The following CIB4 variants were observed in gnomAD, a reference collection of about 807,000 sequenced individuals.
CIB4 encodes calcium and integrin binding family member 4, also known as calcium and integrin-binding family member 4.
In CIB4, 25 loss-of-function variants were observed where a neutral mutation model predicts 25.8. The observed-to-expected ratio is 0.97, with a 90% CI of 0.71 to 1.35. The LOEUF is 1.35. Among genes scored for constraint, CIB4 ranks in the 40% most tolerant of loss-of-function variants. The pLI, the probability that CIB4 is intolerant of heterozygous loss-of-function variation, is 0.00. For missense variants in CIB4, 235 were observed against 228.2 expected (o/e 1.03, Z -0.19); for synonymous variants, 75 against 81.4 (o/e 0.92, Z 0.42).
At chr2:26,635,729 C>T (rs1370762654) in intron 2 of CIB4, among the ~76,000 whole-genome samples, 2 of 152,152 alleles carry the variant, frequency 1.3e-5, no homozygotes, top group East Asian at 3.9e-4. Context: ...CCAACCCTAA[C>T]ATATTCCACT....
chr2:26,583,701 G>T (rs770687488), intron 5 of CIB4, 88 bp downstream of exon 5: 1 of 847,644 alleles, frequency 1.2e-6, no homozygotes, highest in Non-Finnish European at 2.0e-6. Flanking sequence ...CTCCTCCCAA[G>T]AGGGTGGCCT....
intron 5 of CIB4, 63 bp from the exon 6 acceptor site, chr2:26,582,976 A>C: frequency 8.8e-7 from 1 of 1,132,120 alleles, no homozygotes; most frequent in Non-Finnish European, 1.3e-6. Context: ...GGTGGGGCAC[A>C]GGGTGGAGGG....
At chr2:26,599,620 A>T (rs1460671213) in intron 3 of CIB4, among the ~76,000 whole-genome samples, 2 of 152,160 alleles carry the variant, frequency 1.3e-5, no homozygotes, top group Non-Finnish European at 2.9e-5. Context: ...AGAGCTCATT[A>T]AAAAAATCAA....
At position 26,613,835 on chromosome 2, in the gene CIB4, C is replaced by T. The variant is rs191727167; in HGVS notation, c.186+15575G>A. ...TGTCCTCAACAGGTCTCTCTGTAGT[C>T]GGGCCTGTGCGGGGCCTGTCCTGCC... is the stretch of plus-strand genomic sequence containing the variant. On this transcript the variant is annotated intron_variant, in intron 3 of 6. Transcript: ENST00000288861. 7.2e-5 allele frequency among the ~76,000 whole-genome samples: 11 copies of T among 152,334 alleles called. No homozygotes were observed. In the East Asian group the frequency reaches 1.2e-3, roughly 16 times the overall value.
chr2:26,632,279 G>A (rs998917496), intron 2 of CIB4, among the ~76,000 whole-genome samples: 4 of 152,216 alleles, frequency 2.6e-5, no homozygotes, highest in Admixed American at 6.5e-5. Flanking sequence ...CCTTGGCCAC[G>A]GAAGGGGCCT....
chr2:26,609,309 A>G lies in CIB4; in HGVS notation c.187-13992T>C, dbSNP rs1425353682. On this transcript the variant is annotated intron_variant, in intron 3 of 6. Coordinates refer to ENST00000288861, the MANE Select transcript of CIB4 (RefSeq NM_001029881.3). ...ATAGAGGCTGAGGAGGGCAGGGGGA[A>G]GAGGAAGGGGAGAGGCAGCAGCGGA... Among the ~76,000 whole-genome samples, 5 of 152,216 alleles carry G rather than the reference A, an allele frequency of 3.3e-5. No homozygotes were observed. The East Asian group carries it at 9.7e-4, about 29-fold the overall frequency.
chr2:26,616,637 G>A (rs1669097624), intron 3 of CIB4, among the ~76,000 whole-genome samples: 1 of 152,304 alleles, frequency 6.6e-6, no homozygotes, highest in East Asian at 1.9e-4. Flanking sequence ...CAACACCCAA[G>A]ACAGACACTC....
At chr2:26,586,117 T>C (rs1312159612) in intron 4 of CIB4, among the ~76,000 whole-genome samples, 1 of 152,194 alleles carries the variant, frequency 6.6e-6, no homozygotes, top group South Asian at 2.1e-4. Flanking sequence ...GCTTCCCTCC[T>C]CTCTCTCTGC....
intron 2 of CIB4, among the ~76,000 whole-genome samples, chr2:26,632,361 G>A (rs1008938871): frequency 6.6e-6 from 1 of 152,196 alleles, no homozygotes; most frequent in Admixed American, 6.5e-5. Flanking sequence ...AACGGGTTGG[G>A]GGAGAGATTC....
At chr2:26,582,268 G>T (rs1339510542) in intron 6 of CIB4, among the ~76,000 whole-genome samples, 1 of 152,204 alleles carries the variant, frequency 6.6e-6, no homozygotes, top group Non-Finnish European at 1.5e-5. Flanking sequence ...TGCCTCCAGG[G>T]GGCACGCATC....
At chr2:26,639,170 G>C (rs1042679266) in intron 2 of CIB4, among the ~76,000 whole-genome samples, 7 of 151,672 alleles carry the variant, frequency 4.6e-5, no homozygotes, top group Non-Finnish European at 1.0e-4. Flanking sequence ...TTTTCACTTA[G>C]AACTTTTACA....
intron 4 of CIB4, 54 bp from the exon 5 acceptor site, chr2:26,583,952 G>A: frequency 8.8e-7 from 1 of 1,140,444 alleles, no homozygotes; most frequent in African/African-American, 1.5e-5. Flanking sequence ...TAAACAGGAA[G>A]AGGACTTGAG....
intron 4 of CIB4, among the ~76,000 whole-genome samples, chr2:26,587,784 A>G (rs1223099527): frequency 6.6e-6 from 1 of 152,186 alleles, no homozygotes; most frequent in East Asian, 1.9e-4. Context: ...CTAAACACTA[A>G]AAGTGCAAAC....
intron 3 of CIB4, among the ~76,000 whole-genome samples, chr2:26,604,591 A>T (rs2148205357): frequency 6.6e-6 from 1 of 152,280 alleles, no homozygotes; most frequent in Admixed American, 6.5e-5. Context: ...TTCCAATCTG[A>T]AGACAAAATA....
rs951688981 is a variant in CIB4 at position 26,583,895 on chromosome 2, A to C, written c.332T>G (p.Phe111Cys). ...CTCATCAATGAAGCCATTCTCATTA[A>C]AATCTGCAAAGAAGAGGCCAGGCCT... ...KIEYAFRIYD[F>C]NENGFIDEED... The change falls in exon 5 of 7, where the codon TTT becomes TGT. Residue 111 changes from phenylalanine to cysteine, a missense_variant. Physicochemically the swap from Phe to Cys is radical, Grantham distance 205. Transcript: ENST00000288861. The C allele has an allele frequency of 4.4e-6, 7 of 1,604,754 alleles. No individual in the cohort carries two copies. The African/African-American group carries it at 6.7e-5, about 15-fold the overall frequency.
intron 3 of CIB4, among the ~76,000 whole-genome samples, chr2:26,599,357 A>G (rs1404836164): frequency 2.6e-5 from 4 of 152,216 alleles, no homozygotes; most frequent in African/African-American, 9.6e-5. Context: ...TCGACAATAA[A>G]AAGATTGCAG....
At chr2:26,587,326 A>AAAAAAAAC (rs1558553755) in intron 4 of CIB4, among the ~76,000 whole-genome samples, 1 of 150,838 alleles carries the variant, frequency 6.6e-6, no homozygotes, top group African/African-American at 2.4e-5. Context: ...AAAAAAAAAA[A>AAAAAAAAC]AAGAACCACT....
rs1558554801 is a variant in CIB4 at position 26,589,054 on chromosome 2, T to TTCC, written c.329-5157_329-5156insGGA. ...CTTCTTCTTCTTCTTCTTCTTCTTCTTCTTCCTCTTCCTCTTCCTCTTCTT... is the reference window on the plus strand; with the variant it reads ...CTTCTTCTTCTTCTTCTTCTTCTTCTTCCTCTTCCTCTTCCTCTTCCTCTTCTT... On this transcript the variant is annotated intron_variant, in intron 4 of 6. Coordinates refer to ENST00000288861, the MANE Select transcript of CIB4 (RefSeq NM_001029881.3). Among the ~76,000 whole-genome samples the TTCC allele has an allele frequency of 3.0e-3, 121 of 39,942 alleles. 2 individuals are homozygous for TTCC. Among genetic ancestry groups the TTCC allele is most frequent in the East Asian group, 5.9e-3 (9 of 1,514 alleles). The allele number at this position is 39,942 out of a possible 152,430, so 26.2% of individuals were successfully genotyped here.
intron 4 of CIB4, among the ~76,000 whole-genome samples, chr2:26,586,337 G>C (rs1447097935): frequency 1.3e-5 from 2 of 152,134 alleles, no homozygotes; most frequent in African/African-American, 2.4e-5. Context: ...CCCTCCTCGG[G>C]ACACTCTCAC....
Sources: allele counts gnomAD v4.1 joint callset (sites outside exome capture counted in the v4.1 genomes callset), GRCh38; gene constraint gnomAD v4.1.1; transcripts MANE v1.5; gene names NCBI Gene and HGNC (gene_info 2026-07-23, HGNC 2026-07-21).